DYNC1H1: variants seen among roughly 807,000 people sequenced by gnomAD.
DYNC1H1 encodes the protein dynein cytoplasmic 1 heavy chain 1, also known as cytoplasmic dynein 1 heavy chain 1.
A neutral mutation model predicts 527.1 loss-of-function variants in DYNC1H1; 51 were observed. That is an observed-to-expected ratio of 0.10 (90% CI 0.08 to 0.12). The LOEUF is 0.12. Ranked by LOEUF, DYNC1H1 falls within the 10% of genes least tolerant of loss-of-function variation. The probability of loss-of-function intolerance (pLI) is 1.00; values close to 1 mark genes in which losing one functional copy is unlikely to be tolerated. For synonymous variants in DYNC1H1, 2,189 were observed against 2,278.8 expected (o/e 0.96, Z 1.12); for missense variants, 2,771 against 5,971.8 (o/e 0.46, Z 17.66).
At chr14:102,047,428 T>C (rs1283219618) in intron 72 of DYNC1H1, among the ~76,000 whole-genome samples, 3 of 151,726 alleles carry the variant, frequency 2.0e-5, no homozygotes, top group African/African-American at 4.9e-5. Context: ...TCCCAGCTAC[T>C]TGGGAGCCTG....
In DYNC1H1 at chr14:102,036,818, T is replaced by C. The variant is rs532164441; in HGVS notation, c.10908+176T>C. The C allele has an allele frequency of 8.4e-4, 785 of 935,038 alleles. 15 individuals are homozygous for C. In the South Asian group the frequency reaches 0.011, roughly 13 times the overall value. 57.9% of individuals were successfully genotyped at this position (935,038 alleles called of 1,614,324 possible). On this transcript the variant is annotated intron_variant, in intron 57 of 77. Transcript: ENST00000360184. This position sits in a 1 kb window ranked among gnomAD's most constrained non-coding sequence, Gnocchi z 5.6. ...ATCATTATTTGCATTTAAAATTCTA[T>C]TCAGTGGTCGGGCGAGGTGGCTCAC...
intron 72 of DYNC1H1, among the ~76,000 whole-genome samples, chr14:102,046,745 C>G (rs547433550): frequency 9.9e-5 from 15 of 152,242 alleles, no homozygotes; most frequent in African/African-American, 3.6e-4. Flanking sequence ...TGAACCCAAA[C>G]CCAGGGTCCT....
chr14:101,975,299 C>T (rs762462157), intron 1 of DYNC1H1, among the ~76,000 whole-genome samples: 16 of 152,182 alleles, frequency 1.1e-4, no homozygotes, highest in Middle Eastern at 3.2e-3. Flanking sequence ...GCTGAGTGAA[C>T]GGCTGAGCAG....
Position 102,020,146 on chromosome 14 carries a change from T to C in DYNC1H1, c.8507+90T>C. On this transcript the variant is annotated intron_variant, in intron 42 of 77. Transcript: ENST00000360184. This position sits in a 1 kb window ranked among gnomAD's most constrained non-coding sequence, Gnocchi z 4.3. ...AGCTGGGGTCTTTGCAGGGGTGGTC[T>C]GCCTAAGTTAGAGCCAGGTGGTGCC... 1.3e-6 allele frequency: 2 copies of C among 1,544,204 alleles called. No individual in the cohort carries two copies. Among genetic ancestry groups the C allele is most frequent in the Non-Finnish European group, 8.8e-7 (1 of 1,139,270 alleles).
At chr14:101,971,920 T>C (rs749447705) in intron 1 of DYNC1H1, among the ~76,000 whole-genome samples, 3 of 152,186 alleles carry the variant, frequency 2.0e-5, no homozygotes, top group Non-Finnish European at 4.4e-5. Context: ...GTTGTTGTAA[T>C]GTGTGTCAGT....
rs1250937660 is a variant in DYNC1H1, at chr14:101,986,742, T to C, written c.2517T>C (p.Thr839=). ...LDPYVQRLAE[T]VFNFQEKVDD... ...CATATGTACAGCGCTTAGCAGAGAC[T>C]GTCTTCAACTTCCAAGAAAAGGTAT... The change falls in exon 8 of 78, where the codon ACT becomes ACC. Residue 839 remains threonine (T), a synonymous_variant. Coordinates refer to ENST00000360184, the MANE Select transcript of DYNC1H1 (RefSeq NM_001376.5). This position sits in a 1 kb window ranked among gnomAD's most constrained non-coding sequence, Gnocchi z 8.7. The C allele has an allele frequency of 1.9e-6, 3 of 1,614,242 alleles. No homozygotes were observed. In the Admixed American group the frequency reaches 5.0e-5, roughly 27 times the overall value.
At position 102,050,871 on chromosome 14, in the gene DYNC1H1, C is replaced by T; in HGVS notation, c.*308C>T. The T allele has an allele frequency of 2.5e-6, 1 of 395,280 alleles. No homozygotes were observed. The highest frequency in any genetic ancestry group is 3.7e-5 in the Admixed American group (1 of 27,232). 24.5% of individuals were successfully genotyped at this position (395,280 alleles called of 1,614,324 possible). A position where few individuals can be genotyped will look rare whatever the true frequency, so the allele number is the denominator to read the frequency against. On this transcript the variant is annotated 3_prime_UTR_variant, in exon 78 of 78. Transcript: ENST00000360184. ...TTCCATGCTGCCCAGGGAGGGCAGC[C>T]CACGGCAGCCATGCCCCTCCCCACC... is the stretch of plus-strand genomic sequence containing the variant.
At chr14:102,025,568 A>G (rs1326102409) in intron 43 of DYNC1H1, among the ~76,000 whole-genome samples, 1 of 145,536 alleles carries the variant, frequency 6.9e-6, no homozygotes, top group Non-Finnish European at 1.5e-5. Context: ...TCTCAAGGAA[A>G]AAAAAAAAAA....
rs2047942206 is a variant in DYNC1H1 at position 101,986,774 on chromosome 14, A to G, written c.2538+11A>G. ...AACTTCCAAGAAAAGGTATGCTCTC[A>G]TGTAATCCTCAGGTGTCCTGGTAAC... is the stretch of plus-strand genomic sequence containing the variant. On this transcript the variant is annotated intron_variant, in intron 8 of 77. Transcript: ENST00000360184. This position sits in a 1 kb window ranked among gnomAD's most constrained non-coding sequence, Gnocchi z 8.7. 9 of 1,613,690 alleles carry G rather than the reference A, an allele frequency of 5.6e-6. No homozygotes were observed. Among genetic ancestry groups the G allele is most frequent in the Non-Finnish European group, 7.6e-6 (9 of 1,179,624 alleles).
At chr14:101,998,914 C>G (rs1228855085) in intron 16 of DYNC1H1, among the ~76,000 whole-genome samples, 1 of 117,692 alleles carries the variant, frequency 8.5e-6, no homozygotes, top group Non-Finnish European at 1.6e-5. Flanking sequence ...CGGAGTCTTG[C>G]TCTGTCTCCC....
chr14:102,045,915 C>A (rs988333877), intron 72 of DYNC1H1, among the ~76,000 whole-genome samples: 19 of 152,006 alleles, frequency 1.2e-4, no homozygotes, highest in Admixed American at 1.0e-3. Flanking sequence ...GCCTGTAATC[C>A]CAGCACTTTG....
intron 43 of DYNC1H1, among the ~76,000 whole-genome samples, chr14:102,024,098 G>A (rs904371005): frequency 1.4e-4 from 21 of 152,308 alleles, no homozygotes; most frequent in African/African-American, 5.1e-4. Context: ...TTTCCAGCCG[G>A]TGGAAGGTGT....
At position 102,051,041 on chromosome 14, in the gene DYNC1H1, A is replaced by ACTT. The variant is rs1206688765; in HGVS notation, c.*479_*481dup. 4.8e-5 allele frequency: 11 copies of ACTT among 227,060 alleles called. No homozygotes were observed. The East Asian group carries it at 1.2e-3, about 25-fold the overall frequency. 14.1% of individuals were successfully genotyped at this position (227,060 alleles called of 1,614,324 possible). On this transcript the variant is annotated 3_prime_UTR_variant, in exon 78 of 78. Transcript: ENST00000360184. ...CATGGTTCACACCTTTAATCGCAGC[A>ACTT]CTTTGGGAGTCTGGGAGTTAAAGAC...
chr14:101,970,470 G>GTTTTTTTTT lies in DYNC1H1; in HGVS notation c.257-5240_257-5239insTTTTTTTTT, dbSNP rs1324948272. ...GTGGTATTAGTATGTTTGGTTTGTT[G>GTTTTTTTTT]TTGTTTTTTTTTTTTTTTTTTTTTT... is the stretch of plus-strand genomic sequence containing the variant. On this transcript the variant is annotated intron_variant, in intron 1 of 77. Transcript: ENST00000360184. 2.0e-3 allele frequency among the ~76,000 whole-genome samples: 189 copies of GTTTTTTTTT among 96,294 alleles called. 27 individuals carry two copies. Among genetic ancestry groups the GTTTTTTTTT allele is most frequent in the African/African-American group, 5.8e-3 (121 of 21,038 alleles). The allele number at this position is 96,294 out of a possible 152,430, so 63.2% of individuals were successfully genotyped here.
chr14:101,986,593 C>T lies in DYNC1H1; in HGVS notation c.2368C>T (p.Arg790Trp). 1.9e-6 allele frequency: 3 copies of T among 1,613,590 alleles called. No individual in the cohort carries two copies. Among genetic ancestry groups the T allele is most frequent in the Non-Finnish European group, 2.5e-6 (3 of 1,179,584 alleles). The change falls in exon 8 of 78, where the codon CGG becomes TGG. Residue 790 changes from arginine to tryptophan, a missense_variant. This residue lies in a region of DYNC1H1 where 264 missense variants were observed against 619.4 expected (regional missense o/e 0.43). Coordinates refer to ENST00000360184, the MANE Select transcript of DYNC1H1 (RefSeq NM_001376.5). The surrounding 1 kb of genome is among the most constrained non-coding windows in gnomAD (Gnocchi z 8.7). ...GATCGAGAGCGTTCGTACCTATGAA[C>T]GGACCTGCGAGAAGGTGGAGGAGCG... ...SLIESVRTYE[R>W]TCEKVEERNT...
intron 56 of DYNC1H1, 101 bp downstream of exon 56, chr14:102,034,553 G>A: frequency 6.3e-7 from 1 of 1,590,548 alleles, no homozygotes; most frequent in South Asian, 1.1e-5. Flanking sequence ...AATAGAAAAT[G>A]GGGCGTGGGC....
chr14:101,975,638 C>T (rs1335849943), intron 1 of DYNC1H1, 74 bp from the exon 2 acceptor site: 9 of 1,346,526 alleles, frequency 6.7e-6, no homozygotes, highest in Non-Finnish European at 9.5e-6. Flanking sequence ...AGAAAATAGT[C>T]ATTGTCTAAG....
At chr14:102,019,210 C>T (rs538140125) in intron 41 of DYNC1H1, among the ~76,000 whole-genome samples, 2 of 152,348 alleles carry the variant, frequency 1.3e-5, no homozygotes, top group South Asian at 4.1e-4. Flanking sequence ...CCAGCTACGC[C>T]TCCACCAGCA....
At position 102,010,984 on chromosome 14, in the gene DYNC1H1, TCA is replaced by T; in HGVS notation, c.6618+35_6618+36del. ...TGGATTGTTTCACTGGCCACTGCCC[TCA>T]CAGACCCTGCTGGCTTTAGTGTCTG... On this transcript the variant is annotated intron_variant, in intron 32 of 77. Coordinates refer to ENST00000360184, the MANE Select transcript of DYNC1H1 (RefSeq NM_001376.5). This position sits in a 1 kb window ranked among gnomAD's most constrained non-coding sequence, Gnocchi z 6.0. 1 of 1,610,950 alleles carries T rather than the reference TCA, an allele frequency of 6.2e-7. No individual in the cohort carries two copies. Among genetic ancestry groups the T allele is most frequent in the Non-Finnish European group, 8.5e-7 (1 of 1,177,192 alleles).
Sources: gnomAD v4.1 joint callset for allele counts (sites outside exome capture counted in the v4.1 genomes callset) on GRCh38, gnomAD v4.1.1 for gene constraint, gnomAD v4.1.1 regional missense constraint, Gnocchi (gnomAD v3.1) non-coding constraint, MANE v1.5 for transcripts, NCBI Gene and HGNC (gene_info 2026-07-23, HGNC 2026-07-21) for gene names.